DNAJC5B: variants seen among roughly 807,000 people sequenced by gnomAD.
DNAJC5B encodes dnaJ homolog subfamily C member 5B.
Under a neutral mutation model 24.7 loss-of-function variants are expected in DNAJC5B, and 23 were observed. The observed-to-expected ratio is 0.93, with a 90% confidence interval of 0.67 to 1.32. DNAJC5B has a LOEUF of 1.32. Among genes scored for constraint, DNAJC5B ranks in the 40% most tolerant of loss-of-function variants. The pLI is 0.00. For missense variants in DNAJC5B, 238 were observed against 240.8 expected, an observed-to-expected ratio of 0.99 and a Z score of 0.08; for synonymous variants, 101 against 90.1, an observed-to-expected ratio of 1.12 and a Z score of -0.68.
intron 2 of DNAJC5B, among the ~76,000 whole-genome samples, chr8:66,047,810 G>T (rs1300656830): frequency 1.3e-5 from 2 of 152,172 alleles, no homozygotes; most frequent in Non-Finnish European, 2.9e-5. Context: ...AGTGAATAAT[G>T]TTTTGTTGAG....
At chr8:66,053,069 C>T (rs1384054655) in intron 3 of DNAJC5B, among the ~76,000 whole-genome samples, 1 of 152,150 alleles carries the variant, frequency 6.6e-6, no homozygotes, top group Non-Finnish European at 1.5e-5. Flanking sequence ...GCTAGCTACT[C>T]AGGCTATCAG....
intron 5 of DNAJC5B, among the ~76,000 whole-genome samples, chr8:66,083,003 C>CTTTTTTT (rs765749597): frequency 1.9e-3 from 162 of 86,714 alleles, no homozygotes; most frequent in African/African-American, 3.4e-3. Context: ...CTTTTCTTTT[C>CTTTTTTT]TTTTTTTTTT....
chr8:66,099,999 G>A lies in DNAJC5B; in HGVS notation c.568G>A (p.Glu190Lys). The change falls in exon 6 of 6, where the codon GAA becomes AAA. Residue 190 changes from glutamate (E) to lysine (K), a missense_variant. By Grantham distance (56) the Glu-to-Lys change is moderately conservative. Transcript: ENST00000276570. ...AAATGAGAAAACACAGCTAATCAAAGAAGGATCTCGAAGTTATTGCACAGA... is the reference window on the plus strand; with the variant it reads ...AAATGAGAAAACACAGCTAATCAAAAAAGGATCTCGAAGTTATTGCACAGA... ...NANEKTQLIK[E>K]GSRSYCTDS 1 of 1,613,982 alleles carries A rather than the reference G, an allele frequency of 6.2e-7. No individual in the cohort carries two copies. Among genetic ancestry groups the A allele is most frequent in the Admixed American group, 1.7e-5 (1 of 60,004 alleles).
At chr8:66,017,833 C>A (rs1805994381), upstream of DNAJC5B, among the ~76,000 whole-genome samples, 1 of 152,068 alleles carries the variant, frequency 6.6e-6, no homozygotes, top group Non-Finnish European at 1.5e-5. Flanking sequence ...CTTGAAGTAT[C>A]CTGAATGGAT....
chr8:66,082,163 T>C (rs1807610436), intron 5 of DNAJC5B, among the ~76,000 whole-genome samples: 1 of 151,936 alleles, frequency 6.6e-6, no homozygotes, highest in Non-Finnish European at 1.5e-5. Context: ...TCCCATAACA[T>C]CCATCAGCCC....
intron 1 of DNAJC5B, among the ~76,000 whole-genome samples, chr8:66,042,337 T>C (rs1385548659): frequency 1.3e-5 from 2 of 152,240 alleles, no homozygotes; most frequent in Non-Finnish European, 2.9e-5. Context: ...GAAACTAATG[T>C]TCTATGTAAT....
At chr8:66,071,808 A>G (rs1807356081) in intron 3 of DNAJC5B, among the ~76,000 whole-genome samples, 1 of 152,234 alleles carries the variant, frequency 6.6e-6, no homozygotes, top group South Asian at 2.1e-4. Flanking sequence ...CAAAATGTCC[A>G]TCAATAATAG....
At chr8:66,052,118 A>ATTTTTTT (rs748199400) in intron 3 of DNAJC5B, among the ~76,000 whole-genome samples, 12 of 136,334 alleles carry the variant, frequency 8.8e-5, no homozygotes, top group African/African-American at 3.2e-4. Context: ...CACCCAGCTA[A>ATTTTTTT]TTTTTTTTTT....
rs771967486 is a variant in DNAJC5B at position 66,076,735 on chromosome 8, C to T, written c.195C>T (p.Asn65=). Residue 65 remains asparagine (N), a synonymous_variant, in exon 4 of 6, where the codon AAC becomes AAT. Coordinates refer to ENST00000276570, the MANE Select transcript of DNAJC5B (RefSeq NM_033105.6). The part of the protein sequence containing the change: ...PAATEKFKEI[N]NAHAILTDIS... ...CTACTGAGAAGTTTAAAGAAATCAA[C>T]AACGCCCACGCAATACTTACCGACA... is the stretch of plus-strand genomic sequence containing the variant. 3.1e-6 allele frequency: 5 copies of T among 1,614,050 alleles called. No homozygotes were observed. Among genetic ancestry groups the T allele is most frequent in the Non-Finnish European group, 4.2e-6 (5 of 1,180,030 alleles).
chr8:66,018,387 G>A (rs572655337), upstream of DNAJC5B, among the ~76,000 whole-genome samples: 1 of 152,088 alleles, frequency 6.6e-6, no homozygotes, highest in Admixed American at 6.6e-5. Context: ...GCGTGGTGGG[G>A]GGGGTGCCTG....
At chr8:66,018,173 T>C (rs1271468591), upstream of DNAJC5B, among the ~76,000 whole-genome samples, 1 of 152,154 alleles carries the variant, frequency 6.6e-6, no homozygotes, top group Non-Finnish European at 1.5e-5. Flanking sequence ...TGAGCCTCAC[T>C]CTAGACATCC....
intron 5 of DNAJC5B, among the ~76,000 whole-genome samples, chr8:66,088,963 C>A (rs1280633987): frequency 6.6e-6 from 1 of 152,146 alleles, no homozygotes; most frequent in Non-Finnish European, 1.5e-5. Context: ...AAGTCACTTC[C>A]ATATTTTCAG....
chr8:66,063,433 G>A (rs1807125611), intron 3 of DNAJC5B, among the ~76,000 whole-genome samples: 1 of 152,184 alleles, frequency 6.6e-6, no homozygotes, highest in South Asian at 2.1e-4. Context: ...TATTTACAAG[G>A]CAGAGTGATG....
At chr8:66,086,531 A>G (rs985694266) in intron 5 of DNAJC5B, among the ~76,000 whole-genome samples, 2 of 152,190 alleles carry the variant, frequency 1.3e-5, no homozygotes, top group African/African-American at 4.8e-5. Flanking sequence ...CATTTACATT[A>G]AAAAATCTAC....
chr8:66,042,514 C>G (rs1013670153), intron 1 of DNAJC5B, among the ~76,000 whole-genome samples: 4 of 152,326 alleles, frequency 2.6e-5, no homozygotes, highest in Admixed American at 2.0e-4. Flanking sequence ...TTTATTTCAT[C>G]AAAGGACACT....
intron 2 of DNAJC5B, among the ~76,000 whole-genome samples, chr8:66,047,702 AC>A (rs200821124): frequency 7.2e-4 from 110 of 152,292 alleles, no homozygotes; most frequent in African/African-American, 2.6e-3. Flanking sequence ...CTTTTATGGA[AC>A]ATAGCCCTGT....
At chr8:66,093,359 C>T (rs1039954307) in intron 5 of DNAJC5B, among the ~76,000 whole-genome samples, 2 of 152,120 alleles carry the variant, frequency 1.3e-5, no homozygotes, top group African/African-American at 2.4e-5. Flanking sequence ...TCCCACTAAC[C>T]GGTAACGAGA....
chr8:66,058,675 T>G (rs753033327), intron 3 of DNAJC5B, among the ~76,000 whole-genome samples: 1 of 152,244 alleles, frequency 6.6e-6, no homozygotes, highest in Non-Finnish European at 1.5e-5. Context: ...GTCCCTCCTG[T>G]GTCAATTTGT....
chr8:66,032,849 T>C (rs1369872292), intron 1 of DNAJC5B, among the ~76,000 whole-genome samples: 1 of 152,224 alleles, frequency 6.6e-6, no homozygotes, highest in Non-Finnish European at 1.5e-5. Flanking sequence ...GTTCTAAACA[T>C]AACTATGAGC....
Sources: gnomAD v4.1 joint callset for allele counts (sites outside exome capture counted in the v4.1 genomes callset) on GRCh38, gnomAD v4.1.1 for gene constraint, MANE v1.5 for transcripts, NCBI Gene and HGNC (gene_info 2026-07-23, HGNC 2026-07-21) for gene names.